Variants in TLL1 observed in about 807,000 individuals in gnomAD.
TLL1 encodes tolloid-like protein 1.
A neutral mutation model predicts 128.2 loss-of-function variants in TLL1; 49 were observed. The observed-to-expected ratio is 0.38, with a 90% confidence interval of 0.30 to 0.48. The LOEUF (loss-of-function observed/expected upper bound fraction) is 0.48. TLL1 is among the 20% of genes least tolerant of loss of function. TLL1 has a pLI of 0.96. For missense variants in TLL1, 1,123 were observed against 1,242.0 expected (o/e 0.90, Z 1.44); for synonymous variants, 454 against 418.8 (o/e 1.08, Z -1.03).
chr4:165,939,911 GAC>G (rs1358415103), intron 1 of TLL1, among the ~76,000 whole-genome samples: 1 of 151,848 alleles, frequency 6.6e-6, no homozygotes, highest in African/African-American at 2.4e-5. Context: ...TGTAGCATTC[GAC>G]ACACGTATTT....
chr4:166,007,266 A>T (rs987502099), intron 6 of TLL1, among the ~76,000 whole-genome samples: 15 of 151,888 alleles, frequency 9.9e-5, no homozygotes, highest in African/African-American at 3.6e-4. Context: ...AAATCTGTTA[A>T]AAATGAAGAT....
intron 8 of TLL1, among the ~76,000 whole-genome samples, chr4:166,016,392 G>A (rs1009728552): frequency 2.6e-5 from 4 of 152,018 alleles, no homozygotes; most frequent in Admixed American, 6.6e-5. Flanking sequence ...ATCTCTAAAT[G>A]TACGTCTACA....
At chr4:165,969,281 T>C (rs1278129552) in intron 1 of TLL1, among the ~76,000 whole-genome samples, 8 of 152,098 alleles carry the variant, frequency 5.3e-5, no homozygotes, top group Non-Finnish European at 7.4e-5. Flanking sequence ...CAGTCATTCA[T>C]TTTATGTTTG....
At chr4:166,000,043 C>A (rs1396998712) in intron 5 of TLL1, among the ~76,000 whole-genome samples, 2 of 152,090 alleles carry the variant, frequency 1.3e-5, no homozygotes, top group Non-Finnish European at 2.9e-5. Context: ...TACCTGATTA[C>A]CATCTATGAC....
chr4:165,891,543 C>T (rs1406642564), intron 1 of TLL1, among the ~76,000 whole-genome samples: 2 of 152,116 alleles, frequency 1.3e-5, no homozygotes, highest in African/African-American at 4.8e-5. Flanking sequence ...CTCTGAGGTT[C>T]AAAGTTCCAC....
intron 1 of TLL1, among the ~76,000 whole-genome samples, chr4:165,952,662 C>A (rs768862545): frequency 3.3e-5 from 5 of 151,848 alleles, no homozygotes; most frequent in Non-Finnish European, 7.4e-5. Context: ...CTAAGGACAC[C>A]AACAGTTATT....
At chr4:165,883,040 A>T (rs934566136) in intron 1 of TLL1, among the ~76,000 whole-genome samples, 1 of 152,154 alleles carries the variant, frequency 6.6e-6, no homozygotes, top group Non-Finnish European at 1.5e-5. Flanking sequence ...TGTAGGATAT[A>T]CTTCCAGTTT....
intron 5 of TLL1, among the ~76,000 whole-genome samples, chr4:166,002,249 T>A (rs1737203933): frequency 6.6e-6 from 1 of 152,076 alleles, no homozygotes; most frequent in South Asian, 2.1e-4. Context: ...GGCAGTGATC[T>A]CTTCATAAAG....
At chr4:166,019,993 G>T (rs1738143878) in intron 8 of TLL1, among the ~76,000 whole-genome samples, 1 of 152,166 alleles carries the variant, frequency 6.6e-6, no homozygotes, top group South Asian at 2.1e-4. Context: ...CCTTCAGTTT[G>T]CAGTTGTTTT....
At chr4:165,984,466 T>A (rs1736306125) in intron 1 of TLL1, among the ~76,000 whole-genome samples, 1 of 151,928 alleles carries the variant, frequency 6.6e-6, no homozygotes, top group Non-Finnish European at 1.5e-5. Context: ...AGTTGACTTT[T>A]GAGACTTCAC....
At chr4:166,043,454 T>G in intron 12 of TLL1, 35 bp downstream of exon 12, 1 of 1,613,810 alleles carries the variant, frequency 6.2e-7, no homozygotes, top group Non-Finnish European at 8.5e-7. Flanking sequence ...TGGCAAATAT[T>G]CTCCATAAAC....
intron 1 of TLL1, among the ~76,000 whole-genome samples, chr4:165,965,226 T>C (rs1318162142): frequency 6.6e-6 from 1 of 152,168 alleles, no homozygotes; most frequent in Non-Finnish European, 1.5e-5. Flanking sequence ...AATATGTTTC[T>C]TTGTAGATAA....
chr4:166,023,484 T>G (rs1480070371), intron 8 of TLL1, among the ~76,000 whole-genome samples: 1 of 152,244 alleles, frequency 6.6e-6, no homozygotes, highest in Admixed American at 6.5e-5. Flanking sequence ...GACTTAGTAG[T>G]GCCCACTTTT....
intron 15 of TLL1, among the ~76,000 whole-genome samples, chr4:166,064,542 G>A (rs1740485562): frequency 6.6e-6 from 1 of 152,056 alleles, no homozygotes; most frequent in Non-Finnish European, 1.5e-5. Flanking sequence ...TTACTGTGTA[G>A]AAAGCTGTTA....
chr4:166,091,099 A>T lies in TLL1; in HGVS notation c.2443-29A>T, dbSNP rs577129755. 3.8e-6 allele frequency: 6 copies of T among 1,584,550 alleles called. No homozygotes were observed. The African/African-American group carries it at 8.3e-5, about 22-fold the overall frequency. Reference sequence around the variant, plus strand: ...CATTTTGAGTGATTTGTTTTTTTTTAAAAAAATTATTTCTTCTTTTTAAAA... The same window carrying T: ...CATTTTGAGTGATTTGTTTTTTTTTTAAAAAATTATTTCTTCTTTTTAAAA... On this transcript the variant is annotated intron_variant, in intron 18 of 20. Coordinates refer to ENST00000061240, the MANE Select transcript of TLL1 (RefSeq NM_012464.5).
intron 18 of TLL1, among the ~76,000 whole-genome samples, chr4:166,089,732 T>A (rs769016302): frequency 6.6e-6 from 1 of 152,150 alleles, no homozygotes; most frequent in Non-Finnish European, 1.5e-5. Flanking sequence ...CCATAATGAT[T>A]ATAACAAACA....
intron 1 of TLL1, among the ~76,000 whole-genome samples, chr4:165,909,941 T>C (rs1171577094): frequency 2.1e-4 from 32 of 152,158 alleles, no homozygotes; most frequent in Admixed American, 2.0e-3. Flanking sequence ...CAAAGATCTT[T>C]ATAAATTTCT....
At chr4:166,038,129 A>T (rs1256376162) in intron 9 of TLL1, among the ~76,000 whole-genome samples, 1 of 152,214 alleles carries the variant, frequency 6.6e-6, no homozygotes, top group African/African-American at 2.4e-5. Context: ...AGAAGCATAT[A>T]CTTTCCAGCA....
chr4:165,964,760 C>T lies in TLL1; in HGVS notation c.170-24621C>T, dbSNP rs184198840. ...TGGGAAGCAATAAGAGACCTTGTCT[C>T]TACAGAAACAAAAATCACCAACAAC... is the stretch of plus-strand genomic sequence containing the variant. On this transcript the variant is annotated intron_variant, in intron 1 of 20. Transcript: ENST00000061240. 4.9e-3 allele frequency among the ~76,000 whole-genome samples: 751 copies of T among 152,128 alleles called. 3 individuals are homozygous for T. Among genetic ancestry groups the T allele is most frequent in the African/African-American group, 0.016 (679 of 41,510 alleles).
Sources: allele counts gnomAD v4.1 joint callset (sites outside exome capture counted in the v4.1 genomes callset), GRCh38; gene constraint gnomAD v4.1.1; transcripts MANE v1.5; gene names NCBI Gene and HGNC (gene_info 2026-07-23, HGNC 2026-07-21).